RAD54B: variants seen among roughly 807,000 people sequenced by gnomAD.
The protein encoded by RAD54B is RAD54 homolog B.
A neutral mutation model predicts 95.8 loss-of-function variants in RAD54B; 78 were observed. The observed-to-expected ratio is 0.81, with a 90% CI of 0.68 to 0.98. The LOEUF (loss-of-function observed/expected upper bound fraction) is 0.98. Ranked by LOEUF, RAD54B falls within the 50% of genes least tolerant of loss-of-function variation. The probability of loss-of-function intolerance (pLI) is 0.00; values close to 1 mark genes in which losing one functional copy is unlikely to be tolerated. For synonymous variants in RAD54B, 328 were observed against 354.9 expected (o/e 0.92, Z 0.85); for missense variants, 957 against 1,056.6 (o/e 0.91, Z 1.31).
intron 6 of RAD54B, among the ~76,000 whole-genome samples, chr8:94,401,573 G>T (rs1811269167): frequency 6.6e-6 from 1 of 152,100 alleles, no homozygotes; most frequent in Non-Finnish European, 1.5e-5. Context: ...TATTAGTTAA[G>T]TTTCTGCAAA....
intron 10 of RAD54B, among the ~76,000 whole-genome samples, chr8:94,387,749 T>G (rs1378961380): frequency 6.6e-6 from 1 of 152,254 alleles, no homozygotes; most frequent in African/African-American, 2.4e-5. Context: ...AGTTGTAGAA[T>G]AAATTTATTC....
intron 3 of RAD54B, among the ~76,000 whole-genome samples, chr8:94,448,353 C>T (rs776625107): frequency 3.3e-5 from 5 of 152,080 alleles, no homozygotes; most frequent in Non-Finnish European, 7.4e-5. Context: ...GTGTGGAGAA[C>T]AGGGAACCCT....
chr8:94,459,597 C>T (rs931000456), intron 2 of RAD54B, among the ~76,000 whole-genome samples: 7 of 151,996 alleles, frequency 4.6e-5, no homozygotes, highest in Admixed American at 2.0e-4. Flanking sequence ...CAGTGGCTCA[C>T]GCCTGTAATC....
At chr8:94,406,343 G>C (rs1243138751) in intron 5 of RAD54B, among the ~76,000 whole-genome samples, 1 of 152,082 alleles carries the variant, frequency 6.6e-6, no homozygotes, top group Non-Finnish European at 1.5e-5. Context: ...CCTGTATTGT[G>C]TAATAGTAAA....
At chr8:94,422,833 A>C (rs1341383848) in intron 3 of RAD54B, among the ~76,000 whole-genome samples, 1 of 148,020 alleles carries the variant, frequency 6.8e-6, no homozygotes, top group Non-Finnish European at 1.5e-5. Flanking sequence ...TTCATAATAC[A>C]AGTAGTCTAG....
At chr8:94,409,636 G>C (rs995494564) in intron 4 of RAD54B, among the ~76,000 whole-genome samples, 1 of 152,074 alleles carries the variant, frequency 6.6e-6, no homozygotes, top group Non-Finnish European at 1.5e-5. Flanking sequence ...AAAGTGCTGA[G>C]ATTACAGGCG....
At chr8:94,376,185 T>C (rs1810564750) in intron 14 of RAD54B, among the ~76,000 whole-genome samples, 1 of 152,050 alleles carries the variant, frequency 6.6e-6, no homozygotes, top group South Asian at 2.1e-4. Flanking sequence ...ATACCCCAAG[T>C]CTCTATAATT....
intron 14 of RAD54B, 53 bp downstream of exon 14, chr8:94,378,127 A>T (rs1810642120): frequency 7.7e-7 from 1 of 1,305,734 alleles, no homozygotes; most frequent in African/African-American, 1.5e-5. Flanking sequence ...TCAACTGCTA[A>T]CAAGAAATAA....
At chr8:94,466,653 C>T (rs1045095813) in intron 2 of RAD54B, among the ~76,000 whole-genome samples, 3 of 152,208 alleles carry the variant, frequency 2.0e-5, no homozygotes, top group African/African-American at 4.8e-5. Context: ...GTGATCTGCC[C>T]GTCTCGGCCT....
At chr8:94,468,207 C>A (rs1380098750) in intron 1 of RAD54B, among the ~76,000 whole-genome samples, 1 of 152,132 alleles carries the variant, frequency 6.6e-6, no homozygotes, top group African/African-American at 2.4e-5. Flanking sequence ...TTGCCTGTAA[C>A]CTCTGCCTCC....
At chr8:94,423,011 T>A (rs1298073946) in intron 3 of RAD54B, among the ~76,000 whole-genome samples, 1 of 151,856 alleles carries the variant, frequency 6.6e-6, no homozygotes, top group Non-Finnish European at 1.5e-5. Context: ...ATCTTAAAAT[T>A]CATTTTCATT....
intron 3 of RAD54B, among the ~76,000 whole-genome samples, chr8:94,449,888 C>G (rs554094732): frequency 6.6e-6 from 1 of 152,274 alleles, no homozygotes; most frequent in African/African-American, 2.4e-5. Flanking sequence ...ACAACTAGGA[C>G]AAGAACTAGA....
At chr8:94,451,968 T>C (rs922350978) in intron 3 of RAD54B, among the ~76,000 whole-genome samples, 1 of 152,204 alleles carries the variant, frequency 6.6e-6, no homozygotes, top group Admixed American at 6.5e-5. Context: ...GGGTAGCTTA[T>C]AAACAATAGA....
rs370733177 is a variant in RAD54B at position 94,407,641 on chromosome 8, G to T, written c.579C>A (p.Val193=). The part of the protein sequence containing the change: ...TLMICGKEIE[V]MGVISPDDFS... ...AGTCATCTGGAGAGATTACACCCAT[G>T]ACTTCTATTTCTTTTCCACAAATCA... Residue 193 remains valine, a synonymous_variant, in exon 5 of 15, where the codon GTC becomes GTA. Coordinates refer to ENST00000336148, the MANE Select transcript of RAD54B (RefSeq NM_012415.3). 11 of 1,613,814 alleles carry T rather than the reference G, an allele frequency of 6.8e-6. No individual in the cohort carries two copies. The African/African-American group carries it at 1.2e-4, about 18-fold the overall frequency.
In RAD54B at chr8:94,393,860, C is replaced by T. The variant is rs777953483; in HGVS notation, c.1401G>A (p.Leu467=). The part of the protein sequence containing the change: ...ILTGTPIQND[L]QEFFALIDFV... Reference sequence around the variant, plus strand: ...AATCAATTAATGCAAAAAATTCTTGCAGATCATTCTGAATTGGAGTACCTA... The same window carrying T: ...AATCAATTAATGCAAAAAATTCTTGTAGATCATTCTGAATTGGAGTACCTA... Residue 467 remains leucine (L), a synonymous_variant, in exon 9 of 15, where the codon CTG becomes CTA. Transcript: ENST00000336148. 4 of 1,606,042 alleles carry T rather than the reference C, an allele frequency of 2.5e-6. No individual in the cohort carries two copies. Among genetic ancestry groups the T allele is most frequent in the Non-Finnish European group, 3.4e-6 (4 of 1,175,836 alleles).
At chr8:94,427,758 A>G in intron 3 of RAD54B, 1 of 972,748 alleles carries the variant, frequency 1.0e-6, no homozygotes, top group Non-Finnish European at 1.2e-6. Flanking sequence ...GTGTTAACAA[A>G]GCATTTAACC....
intron 10 of RAD54B, among the ~76,000 whole-genome samples, chr8:94,391,170 T>C (rs974558183): frequency 3.3e-5 from 5 of 152,120 alleles, no homozygotes; most frequent in African/African-American, 1.2e-4. Context: ...TTATTTTCTT[T>C]GTGATTTTCT....
intron 3 of RAD54B, among the ~76,000 whole-genome samples, chr8:94,432,882 C>T (rs1376398445): frequency 6.6e-6 from 1 of 151,904 alleles, no homozygotes; most frequent in African/African-American, 2.4e-5. Context: ...TAAAATTGTG[C>T]TTTAAAGGAG....
intron 12 of RAD54B, among the ~76,000 whole-genome samples, chr8:94,378,900 G>A (rs962780835): frequency 2.6e-5 from 4 of 152,158 alleles, no homozygotes; most frequent in Admixed American, 1.3e-4. Context: ...TCATCAATGG[G>A]ACAGTGAGTA....
Sources: gnomAD v4.1 joint callset for allele counts (sites outside exome capture counted in the v4.1 genomes callset) on GRCh38, gnomAD v4.1.1 for gene constraint, MANE v1.5 for transcripts, NCBI Gene and HGNC (gene_info 2026-07-23, HGNC 2026-07-21) for gene names.